The following SPATA13 variants were observed in gnomAD, a reference collection of about 807,000 sequenced individuals.
SPATA13 encodes the protein spermatogenesis associated 13.
A neutral mutation model predicts 104.0 loss-of-function variants in SPATA13; 50 were observed. The ratio of observed to expected loss-of-function variants is 0.48; its 90% CI spans 0.38 to 0.61. The LOEUF is 0.61. Ranked by LOEUF, SPATA13 falls within the 20% of genes least tolerant of loss-of-function variation. The probability of loss-of-function intolerance (pLI) is 0.00; values close to 1 mark genes in which losing one functional copy is unlikely to be tolerated. For synonymous variants in SPATA13, 606 were observed against 667.5 expected, an observed-to-expected ratio of 0.91 and a Z score of 1.42; for missense variants, 1,524 against 1,690.6, an observed-to-expected ratio of 0.90 and a Z score of 1.73.
intron 3 of SPATA13, among the ~76,000 whole-genome samples, chr13:24,087,610 C>T (rs936584074): frequency 8.5e-5 from 13 of 152,230 alleles, no homozygotes; most frequent in African/African-American, 2.6e-4. Flanking sequence ...AACAGTGGGG[C>T]GAACTCAGGC....
chr13:24,270,969 C>T (rs1270174464), intron 4 of SPATA13: 4 of 1,333,116 alleles, frequency 3.0e-6, no homozygotes, highest in African/African-American at 1.4e-5. Context: ...TCAGCTCTTT[C>T]CTTCCCAAGT....
chr13:24,046,150 C>T (rs940838630), intron 3 of SPATA13, among the ~76,000 whole-genome samples: 9 of 151,972 alleles, frequency 5.9e-5, no homozygotes, highest in Admixed American at 1.3e-4. Context: ...AGTGTGTAGC[C>T]GCCTGGATTT....
chr13:24,042,895 C>G (rs1182057348), intron 3 of SPATA13, among the ~76,000 whole-genome samples: 1 of 152,170 alleles, frequency 6.6e-6, no homozygotes, highest in Non-Finnish European at 1.5e-5. Flanking sequence ...TCCTCAGACG[C>G]CTACTGTCTG....
intron 2 of SPATA13, among the ~76,000 whole-genome samples, chr13:24,008,567 GGA>G (rs148859731): frequency 1.1e-4 from 17 of 150,398 alleles, no homozygotes; most frequent in South Asian, 2.1e-4. Context: ...GAAGGGGAGG[GGA>G]GAGAGAGAGA....
Position 24,112,500 on chromosome 13 carries a change from C to T in SPATA13, c.-112+94799C>T, listed in dbSNP as rs1039220793. Among the ~76,000 whole-genome samples, 15 of 152,270 alleles carry T rather than the reference C, an allele frequency of 9.9e-5. No homozygotes were observed. In the South Asian group the frequency reaches 1.0e-3, roughly 11 times the overall value. ...AGAGTTGAATTCTCATGCTCAGCCA[C>T]GGAAGTAGCAAGGATGCAATCCATT... On this transcript the variant is annotated intron_variant, in intron 3 of 14. Transcript: ENST00000424834.
At chr13:24,190,779 T>A (rs1341640880) in intron 1 of SPATA13, among the ~76,000 whole-genome samples, 1 of 152,126 alleles carries the variant, frequency 6.6e-6, no homozygotes, top group African/African-American at 2.4e-5. Flanking sequence ...ACGGTTGAAA[T>A]GACAACAAAG....
rs1024455148 is a variant in SPATA13, at chr13:24,011,983, G to C, written c.-146-5684G>C. Among the ~76,000 whole-genome samples the C allele has an allele frequency of 6.6e-6, 1 of 152,212 alleles. No homozygotes were observed. The highest frequency in any genetic ancestry group is 1.5e-5 in the Non-Finnish European group (1 of 68,030). Reference sequence around the variant, plus strand: ...TGTAAAACTCACAGGCACAGGGACCGGGGCTTGCCCACCACCCTAAACAAA... The same window carrying C: ...TGTAAAACTCACAGGCACAGGGACCCGGGCTTGCCCACCACCCTAAACAAA... On this transcript the variant is annotated intron_variant, in intron 2 of 14. Coordinates refer to the SPATA13 transcript ENST00000424834. The surrounding 1 kb of genome is among the most constrained non-coding windows in gnomAD (Gnocchi z 4.3).
chr13:24,017,468 C>T (rs1260707980), intron 2 of SPATA13, among the ~76,000 whole-genome samples: 2 of 152,038 alleles, frequency 1.3e-5, no homozygotes, highest in East Asian at 1.9e-4. Flanking sequence ...GCTCTTAAGG[C>T]CATGTGAGAG....
chr13:24,172,924 G>A (rs566811023), intron 1 of SPATA13, among the ~76,000 whole-genome samples: 76 of 152,280 alleles, frequency 5.0e-4, no homozygotes, highest in African/African-American at 1.8e-3. Flanking sequence ...TTAAGTTTCT[G>A]ATCAGTTAAC....
At chr13:24,040,298 A>G (rs920848775) in intron 3 of SPATA13, among the ~76,000 whole-genome samples, 6 of 152,182 alleles carry the variant, frequency 3.9e-5, no homozygotes, top group African/African-American at 1.4e-4. Flanking sequence ...GTGTCTCACA[A>G]ACCTGGTTTT....
intron 4 of SPATA13, chr13:24,278,807 C>T (rs756164280): frequency 2.2e-5 from 35 of 1,598,778 alleles, no homozygotes; most frequent in South Asian, 8.0e-5. Context: ...AAATGTGCAT[C>T]GCTATCATTT....
chr13:24,025,201 C>T (rs1877156955), intron 3 of SPATA13, among the ~76,000 whole-genome samples: 1 of 151,330 alleles, frequency 6.6e-6, no homozygotes. Context: ...TGTTTATTTC[C>T]TAAAATTTTT....
chr13:24,271,707 A>G (rs1874624265), intron 4 of SPATA13, among the ~76,000 whole-genome samples: 1 of 152,224 alleles, frequency 6.6e-6, no homozygotes, highest in African/African-American at 2.4e-5. Context: ...GATGCTTTAG[A>G]AACAGATCTT....
chr13:24,089,025 G>A (rs995694008), intron 3 of SPATA13, among the ~76,000 whole-genome samples: 1 of 152,208 alleles, frequency 6.6e-6, no homozygotes, highest in Non-Finnish European at 1.5e-5. Context: ...GATGGGACAC[G>A]TTCACAGGTG....
chr13:24,280,146 G>A (rs1875387228), intron 4 of SPATA13, among the ~76,000 whole-genome samples: 1 of 152,164 alleles, frequency 6.6e-6, no homozygotes, highest in Non-Finnish European at 1.5e-5. Flanking sequence ...CAAGTAGCTG[G>A]GACTACAGGT....
intron 2 of SPATA13, chr13:23,983,967 A>G: frequency 2.0e-6 from 2 of 983,562 alleles, no homozygotes; most frequent in Non-Finnish European, 2.4e-6. Context: ...GCATGGCATT[A>G]TCCATGCTTA....
chr13:24,031,527 T>G (rs1390269949), intron 3 of SPATA13, among the ~76,000 whole-genome samples: 1 of 152,230 alleles, frequency 6.6e-6, no homozygotes, highest in Non-Finnish European at 1.5e-5. Flanking sequence ...TGCCAAGATT[T>G]AAGTAACTTA....
At chr13:24,019,820 C>T (rs1261443206) in intron 3 of SPATA13, among the ~76,000 whole-genome samples, 2 of 152,098 alleles carry the variant, frequency 1.3e-5, no homozygotes, top group African/African-American at 4.8e-5. Context: ...TTAGGAAAAG[C>T]TTCTATTATC....
chr13:24,286,740 C>T lies in SPATA13; in HGVS notation c.2482-25C>T, dbSNP rs751099490. On this transcript the variant is annotated intron_variant, in intron 6 of 12. Coordinates refer to ENST00000382108, the MANE Select transcript of SPATA13 (RefSeq NM_001166271.3). This position sits in a 1 kb window ranked among gnomAD's most constrained non-coding sequence, Gnocchi z 4.9. ...TGCTGCCCTCCCCTGCCCCAAGTCA[C>T]CTGTCCCCTGTATGTGGGTTGCAGT... 1.2e-6 allele frequency: 2 copies of T among 1,610,098 alleles called. No homozygotes were observed. Among genetic ancestry groups the T allele is most frequent in the Admixed American group, 3.3e-5 (2 of 59,850 alleles).
Sources: allele counts gnomAD v4.1 joint callset (sites outside exome capture counted in the v4.1 genomes callset), GRCh38; gene constraint gnomAD v4.1.1; non-coding constraint Gnocchi (gnomAD v3.1); transcripts MANE v1.5; gene names NCBI Gene and HGNC (gene_info 2026-07-23, HGNC 2026-07-21).